Variants in IGSF10 observed in about 807,000 individuals in gnomAD.
IGSF10 encodes the protein calvaria mechanical force protein 608.
IGSF10 carries 126 observed loss-of-function variants against 128.2 expected under a neutral mutation model. The ratio of observed to expected loss-of-function variants is 0.98; its 90% CI spans 0.85 to 1.14. IGSF10 has a LOEUF of 1.14. Among genes scored for constraint, IGSF10 ranks in the 50% most tolerant of loss-of-function variants. The probability of loss-of-function intolerance (pLI) is 0.00; values close to 1 mark genes in which losing one functional copy is unlikely to be tolerated. For missense variants in IGSF10, 3,295 were observed against 3,149.8 expected (o/e 1.05, Z -1.10); for synonymous variants, 1,185 against 1,146.2 (o/e 1.03, Z -0.68).
the IGSF10 span, among the ~76,000 whole-genome samples, chr3:151,599,186 G>T: frequency 1.3e-5 from 2 of 152,160 alleles, no homozygotes; most frequent in East Asian, 3.9e-4. Context: ...CAGCTATAAG[G>T]GGGTAAAACA....
downstream of IGSF10, chr3:151,434,348 C>CTAT (rs1376746004): frequency 6.6e-6 from 1 of 152,138 alleles, no homozygotes; most frequent in Non-Finnish European, 1.5e-5. Context: ...CAAATGACCT[C>CTAT]AAATACATGT....
chr3:151,509,689 C>T, the IGSF10 span, among the ~76,000 whole-genome samples: 54 of 152,218 alleles, frequency 3.5e-4, 1 homozygote, highest in Admixed American at 2.7e-3. Flanking sequence ...ATCGCCTCAC[C>T]CGGGAAGTGC....
the IGSF10 span, among the ~76,000 whole-genome samples, chr3:151,498,506 C>T: frequency 6.6e-6 from 1 of 152,054 alleles, no homozygotes; most frequent in Non-Finnish European, 1.5e-5. Flanking sequence ...GCTGGTTCAA[C>T]GTACACAAAT....
At chr3:151,507,584 G>A in the IGSF10 span, among the ~76,000 whole-genome samples, 125,152 of 151,980 alleles carry the variant, frequency 0.82, 51,624 homozygotes, top group Middle Eastern at 0.93. Flanking sequence ...AATCGTGGCA[G>A]AAGGGGAAGT....
At chr3:151,528,343 T>C in the IGSF10 span, among the ~76,000 whole-genome samples, 1 of 152,074 alleles carries the variant, frequency 6.6e-6, no homozygotes, top group Non-Finnish European at 1.5e-5. Flanking sequence ...TCATATAATT[T>C]ATAAGGTTTT....
At chr3:151,546,542 A>G in the IGSF10 span, among the ~76,000 whole-genome samples, 1 of 149,996 alleles carries the variant, frequency 6.7e-6, no homozygotes, top group Admixed American at 6.7e-5. Flanking sequence ...TATTTAGTCG[A>G]GATAAAGCCT....
At chr3:151,551,170 T>A in the IGSF10 span, among the ~76,000 whole-genome samples, 1 of 152,210 alleles carries the variant, frequency 6.6e-6, no homozygotes, top group Non-Finnish European at 1.5e-5. Context: ...ATTTGCTGTG[T>A]ACTGAATAAA....
Position 151,445,376 on chromosome 3 carries a change from T to G in IGSF10, c.4605A>C (p.Thr1535=). 1 of 1,614,224 alleles carries G rather than the reference T, an allele frequency of 6.2e-7. No individual in the cohort carries two copies. The highest frequency in any genetic ancestry group is 8.5e-7 in the Non-Finnish European group (1 of 1,180,030). Residue 1535 remains threonine (T), a synonymous_variant, in exon 6 of 8, where the codon ACA becomes ACC. Transcript: ENST00000282466. The part of the protein sequence containing the change: ...SPKVHPNAKF[T]IGTTHFIYSN... Reference sequence around the variant, plus strand: ...AGTAGATGAAGTGAGTGGTTCCAATTGTGAACTTGGCATTTGGGTGAACCT... The same window carrying G: ...AGTAGATGAAGTGAGTGGTTCCAATGGTGAACTTGGCATTTGGGTGAACCT...
the IGSF10 span, among the ~76,000 whole-genome samples, chr3:151,534,002 GAACA>G: frequency 6.6e-5 from 10 of 152,118 alleles, no homozygotes; most frequent in African/African-American, 2.4e-4. Flanking sequence ...TAAATAATAT[GAACA>G]GACACTTCTC....
the IGSF10 span, among the ~76,000 whole-genome samples, chr3:151,496,106 G>A: frequency 5.9e-5 from 9 of 152,078 alleles, no homozygotes; most frequent in Non-Finnish European, 1.0e-4. Context: ...ATCTGAACGG[G>A]AGGATACACT....
the IGSF10 span, among the ~76,000 whole-genome samples, chr3:151,583,280 C>T: frequency 1.3e-5 from 2 of 151,860 alleles, no homozygotes; most frequent in Non-Finnish European, 2.9e-5. Context: ...GATGAATACC[C>T]ATACAATTGC....
chr3:151,490,776 C>A, the IGSF10 span, among the ~76,000 whole-genome samples: 1 of 151,858 alleles, frequency 6.6e-6, no homozygotes. Context: ...TCCTGAACAA[C>A]CAATAAGTCA....
rs1323921709 is a variant in IGSF10, at chr3:151,437,023, C to G, written c.7538G>C (p.Gly2513Ala). The change falls in exon 8 of 8, where the codon GGT becomes GCT. Residue 2513 changes from glycine to alanine, a missense_variant. Coordinates refer to ENST00000282466, the MANE Select transcript of IGSF10 (RefSeq NM_178822.5). ...TACTGGAACAGTAATCAGTGTATGA[C>G]CAACACTATTTTGAGCCTTACAGAT... ...NYICKAQNSVGHTLITVPVMI... is the reference protein window; with the variant it reads ...NYICKAQNSVAHTLITVPVMI... The G allele has an allele frequency of 1.9e-6, 3 of 1,614,064 alleles. No homozygotes were observed. Among genetic ancestry groups the G allele is most frequent in the East Asian group, 4.5e-5 (2 of 44,894 alleles).
the IGSF10 span, among the ~76,000 whole-genome samples, chr3:151,526,709 T>C: frequency 6.6e-6 from 1 of 152,242 alleles, no homozygotes; most frequent in Non-Finnish European, 1.5e-5. Flanking sequence ...TTTCTTTTTC[T>C]GATGCATTTG....
chr3:151,516,123 G>A, the IGSF10 span, among the ~76,000 whole-genome samples: 2 of 151,882 alleles, frequency 1.3e-5, no homozygotes, highest in Non-Finnish European at 2.9e-5. Context: ...TGCTGTCCAC[G>A]CTACAGCAGA....
chr3:151,568,689 A>C, the IGSF10 span, among the ~76,000 whole-genome samples: 1 of 152,132 alleles, frequency 6.6e-6, no homozygotes, highest in Non-Finnish European at 1.5e-5. Context: ...ACTACCCTCC[A>C]ACCCTCCCAT....
At chr3:151,570,296 T>C in the IGSF10 span, among the ~76,000 whole-genome samples, 2 of 152,244 alleles carry the variant, frequency 1.3e-5, no homozygotes, top group East Asian at 1.9e-4. Context: ...TCTAGATCCC[T>C]GAGGAATCGC....
At chr3:151,549,418 G>A in the IGSF10 span, among the ~76,000 whole-genome samples, 580 of 152,296 alleles carry the variant, frequency 3.8e-3, 5 homozygotes, top group South Asian at 0.024. Flanking sequence ...CATATAACAT[G>A]AAGATACTTT....
chr3:151,540,607 G>A, the IGSF10 span, among the ~76,000 whole-genome samples: 1 of 152,118 alleles, frequency 6.6e-6, no homozygotes, highest in Non-Finnish European at 1.5e-5. Flanking sequence ...ATTCTTGTTC[G>A]TACCTCTGGT....
Sources: gnomAD v4.1 joint callset for allele counts (sites outside exome capture counted in the v4.1 genomes callset) on GRCh38, gnomAD v4.1.1 for gene constraint, MANE v1.5 for transcripts, NCBI Gene and HGNC (gene_info 2026-07-23, HGNC 2026-07-21) for gene names.